Variants in PRKCH observed in about 807,000 individuals in gnomAD.
PRKCH encodes the protein protein kinase C eta type.
A neutral mutation model predicts 82.5 loss-of-function variants in PRKCH; 28 were observed. The ratio of observed to expected loss-of-function variants is 0.34; its 90% CI spans 0.25 to 0.47. The LOEUF is 0.47. Among genes scored for constraint, PRKCH ranks in the 20% least tolerant of loss-of-function variants. PRKCH has a pLI of 1.00. For synonymous variants in PRKCH, 322 were observed against 327.4 expected, an observed-to-expected ratio of 0.98 and a Z score of 0.18; for missense variants, 705 against 881.8, an observed-to-expected ratio of 0.80 and a Z score of 2.54.
At chr14:61,489,601 T>C (rs1886373182) in intron 10 of PRKCH, among the ~76,000 whole-genome samples, 2 of 152,206 alleles carry the variant, frequency 1.3e-5, no homozygotes, top group South Asian at 2.1e-4. Flanking sequence ...GTCTGGAACC[T>C]GCCATGGCCC....
At chr14:61,279,000 C>CAG (rs2045230057) in intron 1 of PRKCH, 2 of 151,976 alleles carry the variant, frequency 1.3e-5, no homozygotes, top group Non-Finnish European at 2.9e-5. Context: ...CACACACACA[C>CAG]ACACACACAC....
rs144701787 is a variant in PRKCH at position 61,254,043 on chromosome 14, A to G, written c.-19+66375A>G. Among the ~76,000 whole-genome samples, 239 of 135,144 alleles carry G rather than the reference A, an allele frequency of 1.8e-3. 7 individuals are homozygous for G. The East Asian group carries it at 0.043, about 25-fold the overall frequency. 88.7% of individuals were successfully genotyped at this position (135,144 alleles called of 152,430 possible). The stretch of plus-strand genomic sequence containing the variant: ...CCTTCCTTCCTTTCTTCTTTCAACA[A>G]ATATTTATAGAGTTTCTACTATGTC... On this transcript the variant is annotated intron_variant, in intron 1 of 3. Transcript: ENST00000555185.
At chr14:61,188,496 A>G (rs907797367) in intron 1 of PRKCH, among the ~76,000 whole-genome samples, 55 of 151,234 alleles carry the variant, frequency 3.6e-4, no homozygotes, top group Non-Finnish European at 6.9e-4. Context: ...TCCGCAACCC[A>G]ACCTCTTCCC....
chr14:61,435,583 G>C (rs548510447), intron 2 of PRKCH, among the ~76,000 whole-genome samples: 2 of 152,338 alleles, frequency 1.3e-5, no homozygotes, highest in African/African-American at 4.8e-5. Flanking sequence ...GTATGCACCT[G>C]TAGTCCCAGC....
At chr14:61,339,622 CTTTTTTT>C (rs757220300) in intron 1 of PRKCH, among the ~76,000 whole-genome samples, 3 of 60,000 alleles carry the variant, frequency 5.0e-5, no homozygotes, top group Admixed American at 4.4e-4. Context: ...CAAGCCCGGC[CTTTTTTT>C]TTTTTTTTTT....
At chr14:61,286,676 T>C (rs2045316554) in intron 1 of PRKCH, among the ~76,000 whole-genome samples, 1 of 152,006 alleles carries the variant, frequency 6.6e-6, no homozygotes, top group African/African-American at 2.4e-5. Flanking sequence ...CTCGGGAGGC[T>C]GAGGCAGGAG....
chr14:61,304,800 G>C (rs550849868), intron 1 of PRKCH: 1 of 151,788 alleles, frequency 6.6e-6, no homozygotes, highest in Non-Finnish European at 1.5e-5. Flanking sequence ...CTCCAGTCTA[G>C]GCGACTGAGC....
chr14:61,343,365 A>AAG (rs1176309434), intron 1 of PRKCH, among the ~76,000 whole-genome samples: 2 of 151,426 alleles, frequency 1.3e-5, no homozygotes, highest in East Asian at 3.9e-4. Flanking sequence ...AAAAAAAAAA[A>AAG]AAAAAAAAAA....
In PRKCH at chr14:61,367,424, G is replaced by A. The variant is rs138897719; in HGVS notation, c.364-23801G>A. ...TGATGTAATTGCCACCGAGGTCACCGTGGATGAGGTCATTGTGGGTGAGGT... is the reference window on the plus strand; with the variant it reads ...TGATGTAATTGCCACCGAGGTCACCATGGATGAGGTCATTGTGGGTGAGGT... On this transcript the variant is annotated intron_variant, in intron 1 of 13. Transcript: ENST00000332981. Among the ~76,000 whole-genome samples the A allele has an allele frequency of 4.1e-3, 630 of 151,872 alleles. 8 individuals carry two copies. The highest frequency in any genetic ancestry group is 6.7e-3 in the Admixed American group (103 of 15,264).
chr14:61,479,163 C>T (rs1885858434), intron 9 of PRKCH, among the ~76,000 whole-genome samples: 1 of 152,180 alleles, frequency 6.6e-6, no homozygotes, highest in East Asian at 1.9e-4. Context: ...CTTCACCCAC[C>T]CACCTGTCCA....
chr14:61,508,791 C>T (rs560318086), intron 10 of PRKCH, among the ~76,000 whole-genome samples: 1 of 152,010 alleles, frequency 6.6e-6, no homozygotes, highest in South Asian at 2.1e-4. Flanking sequence ...TATATGAGGC[C>T]ATGTGTTGTA....
intron 4 of PRKCH, 97 bp from the exon 5 acceptor site, chr14:61,449,067 A>G (rs1884363489): frequency 1.8e-6 from 2 of 1,119,884 alleles, no homozygotes; most frequent in Non-Finnish European, 2.7e-6. Context: ...AGACGAGTCC[A>G]GTCTTGTTGG....
intron 1 of PRKCH, among the ~76,000 whole-genome samples, chr14:61,360,110 A>G (rs1394362165): frequency 6.6e-6 from 1 of 152,252 alleles, no homozygotes; most frequent in Non-Finnish European, 1.5e-5. Flanking sequence ...ACCAAATGTT[A>G]TATTGTCTGT....
Position 61,337,140 on chromosome 14 carries a change from A to ATTTT in PRKCH, c.363+14694_363+14697dup, listed in dbSNP as rs56865144. ...ATAGATGTATTCAAGGACACCAACA[A>ATTTT]TTTTTTTTTTTTTTTTTTTTTGAGA... is the stretch of plus-strand genomic sequence containing the variant. On this transcript the variant is annotated intron_variant, in intron 1 of 13. Transcript: ENST00000332981. Among the ~76,000 whole-genome samples the ATTTT allele has an allele frequency of 1.8e-3, 184 of 100,318 alleles. 1 individual carries two copies. Among genetic ancestry groups the ATTTT allele is most frequent in the East Asian group, 3.4e-3 (12 of 3,510 alleles). The allele number at this position is 100,318 out of a possible 152,430, so 65.8% of individuals were successfully genotyped here. A position where few individuals can be genotyped will look rare whatever the true frequency, so the allele number is the denominator to read the frequency against.
upstream of PRKCH, among the ~76,000 whole-genome samples, chr14:61,320,899 A>G (rs11621011): frequency 0.91 from 138,182 of 152,236 alleles, 62,933 homozygotes; most frequent in East Asian, 1. Flanking sequence ...GGTGGACCAG[A>G]AACCACCCGC....
At chr14:61,461,034 A>C (rs1885005282) in intron 9 of PRKCH, among the ~76,000 whole-genome samples, 1 of 152,118 alleles carries the variant, frequency 6.6e-6, no homozygotes, top group Non-Finnish European at 1.5e-5. Context: ...AAGAGAAAAA[A>C]AAATGGGGAG....
chr14:61,238,722 TG>T (rs2044810848), intron 1 of PRKCH, among the ~76,000 whole-genome samples: 1 of 150,826 alleles, frequency 6.6e-6, no homozygotes, highest in African/African-American at 2.4e-5. Context: ...TCCACCTTCC[TG>T]GAAAGTTCTT....
At chr14:61,274,131 C>G (rs1459629746) in intron 1 of PRKCH, among the ~76,000 whole-genome samples, 1 of 152,136 alleles carries the variant, frequency 6.6e-6, no homozygotes, top group African/African-American at 2.4e-5. Context: ...AGAAGACTTG[C>G]AAAGAACTTC....
chr14:61,246,877 T>C (rs2044888937), intron 1 of PRKCH, among the ~76,000 whole-genome samples: 2 of 152,154 alleles, frequency 1.3e-5, no homozygotes, highest in South Asian at 4.1e-4. Context: ...TGTGAGCCAC[T>C]GTGTCCGGCC....
Sources: allele counts gnomAD v4.1 joint callset (sites outside exome capture counted in the v4.1 genomes callset), GRCh38; gene constraint gnomAD v4.1.1; transcripts MANE v1.5; gene names NCBI Gene and HGNC (gene_info 2026-07-23, HGNC 2026-07-21).